The following TPD52 variants were observed in gnomAD, a reference collection of about 807,000 sequenced individuals.
TPD52 encodes prostate and colon associated protein.
Under a neutral mutation model 31.3 loss-of-function variants are expected in TPD52, and 17 were observed. The ratio of observed to expected loss-of-function variants is 0.54; its 90% confidence interval spans 0.37 to 0.82. TPD52 has a LOEUF of 0.82. Among genes scored for constraint, TPD52 ranks in the 40% least tolerant of loss-of-function variants. The pLI is 0.00. For missense variants in TPD52, 212 were observed against 240.1 expected (o/e 0.88, Z 0.77); for synonymous variants, 83 against 89.6 (o/e 0.93, Z 0.42).
At chr8:80,080,897 A>C (rs1404161786) in intron 1 of TPD52, 1 of 349,244 alleles carries the variant, frequency 2.9e-6, no homozygotes, top group Non-Finnish European at 4.0e-6. Context: ...GCTGACCATG[A>C]CTACACCAGG....
At position 80,036,470 on chromosome 8, in the gene TPD52, A is replaced by G. The variant is rs1809917734; in HGVS notation, c.*1646T>C. On this transcript the variant is annotated 3_prime_UTR_variant, in exon 8 of 8. Coordinates refer to ENST00000518937, the MANE Select transcript of TPD52 (RefSeq NM_001025253.3). ...AGAATATGTTAATATGATACCATTAAGCAATAATTTAAGGATGGTTAAAAA... is the reference window on the plus strand; with the variant it reads ...AGAATATGTTAATATGATACCATTAGGCAATAATTTAAGGATGGTTAAAAA... 1 of 152,580 alleles carries G rather than the reference A, an allele frequency of 6.6e-6. No homozygotes were observed. Among genetic ancestry groups the G allele is most frequent in the Non-Finnish European group, 1.5e-5 (1 of 68,034 alleles). The allele number at this position is 152,580 out of a possible 1,614,324, so 9.5% of individuals were successfully genotyped here.
At chr8:80,141,262 G>A (rs150477326) in intron 1 of TPD52, among the ~76,000 whole-genome samples, 1 of 152,094 alleles carries the variant, frequency 6.6e-6, no homozygotes, top group Non-Finnish European at 1.5e-5. Context: ...TCATTACCCA[G>A]TGGGTCATCT....
chr8:80,167,723 T>G (rs1435979110), intron 1 of TPD52, among the ~76,000 whole-genome samples: 5 of 152,268 alleles, frequency 3.3e-5, no homozygotes, highest in African/African-American at 7.2e-5. Flanking sequence ...AAAATGATAG[T>G]GACATATTAT....
chr8:80,053,425 T>C lies in TPD52; in HGVS notation c.141A>G (p.Glu47=). The C allele has an allele frequency of 6.2e-7, 1 of 1,613,100 alleles. No homozygotes were observed. Among genetic ancestry groups the C allele is most frequent in the South Asian group, 1.1e-5 (1 of 90,978 alleles). The change falls in exon 3 of 8, where the codon GAA becomes GAG. Residue 47 remains glutamate (E), a synonymous_variant. Coordinates refer to ENST00000518937, the MANE Select transcript of TPD52 (RefSeq NM_001025253.3). Reference sequence around the variant, plus strand: ...CTTGAGACAGAGTCTGGATTTCTTCTTCTACCTATGAGGAAGGGGTTTGGG... The same window carrying C: ...CTTGAGACAGAGTCTGGATTTCTTCCTCTACCTATGAGGAAGGGGTTTGGG... The part of the protein sequence containing the change: ...EELRRELAKV[E]EEIQTLSQVL...
intron 2 of TPD52, among the ~76,000 whole-genome samples, chr8:80,054,459 A>G (rs1214959304): frequency 6.6e-6 from 1 of 152,144 alleles, no homozygotes; most frequent in African/African-American, 2.4e-5. Context: ...ACCATGTGGA[A>G]GAGACTTTAG....
intron 4 of TPD52, 34 bp downstream of exon 4, chr8:80,051,493 G>C: frequency 6.3e-7 from 1 of 1,579,672 alleles, no homozygotes; most frequent in South Asian, 1.1e-5. Context: ...ATTTGCGTCA[G>C]CTACTTAATG....
chr8:80,076,980 A>T (rs1036725205), intron 1 of TPD52, among the ~76,000 whole-genome samples: 7 of 150,510 alleles, frequency 4.7e-5, no homozygotes, highest in Admixed American at 1.3e-4. Flanking sequence ...AGTTTTTTTT[A>T]AAAAAGAAAA....
At chr8:80,080,894 A>C in intron 1 of TPD52, 2 of 370,864 alleles carry the variant, frequency 5.4e-6, no homozygotes, top group Non-Finnish European at 7.5e-6. Flanking sequence ...TCAGCTGACC[A>C]TGACTACACC....
At chr8:80,169,198 G>A (rs1410715387) in intron 1 of TPD52, among the ~76,000 whole-genome samples, 1 of 151,936 alleles carries the variant, frequency 6.6e-6, no homozygotes, top group Non-Finnish European at 1.5e-5. Flanking sequence ...TTGGACAGGG[G>A]TCAAACTCCT....
At chr8:80,060,545 A>G (rs1812402069) in intron 2 of TPD52, among the ~76,000 whole-genome samples, 1 of 152,160 alleles carries the variant, frequency 6.6e-6, no homozygotes, top group Admixed American at 6.5e-5. Context: ...AAAGCCAGAG[A>G]ATGATATCAC....
intron 1 of TPD52, among the ~76,000 whole-genome samples, chr8:80,105,302 C>T (rs1215021244): frequency 6.6e-6 from 1 of 152,130 alleles, no homozygotes; most frequent in Non-Finnish European, 1.5e-5. Flanking sequence ...AGCCCAGCAC[C>T]ACACCCTGGG....
At chr8:80,096,486 G>GT (rs1410484536) in intron 1 of TPD52, among the ~76,000 whole-genome samples, 1 of 152,060 alleles carries the variant, frequency 6.6e-6, no homozygotes, top group Admixed American at 6.6e-5. Flanking sequence ...TTCACAGTAT[G>GT]TTTTTTACAA....
chr8:80,046,952 G>A lies in TPD52; in HGVS notation c.414-2744C>T, dbSNP rs116086469. On this transcript the variant is annotated intron_variant, in intron 5 of 7. Coordinates refer to ENST00000518937, the MANE Select transcript of TPD52 (RefSeq NM_001025253.3). ...GGATAAGGAAGGAAGTAGCAGCAGC[G>A]GGAGGAGGAGAAGGGAAAGTTAATG... 1.7e-3 allele frequency among the ~76,000 whole-genome samples: 265 copies of A among 152,278 alleles called. 4 individuals are homozygous for A. The highest frequency in any genetic ancestry group is 6.0e-3 in the African/African-American group (249 of 41,542).
At chr8:80,051,738 G>T in intron 3 of TPD52, 110 bp from the exon 4 acceptor site, 1 of 856,528 alleles carries the variant, frequency 1.2e-6, no homozygotes. Context: ...CTCAAAAAGA[G>T]AAAACATTTT....
intron 7 of TPD52, among the ~76,000 whole-genome samples, chr8:80,041,366 G>T (rs1362144484): frequency 6.6e-6 from 1 of 152,182 alleles, no homozygotes; most frequent in Non-Finnish European, 1.5e-5. Context: ...TGCTTTTAAA[G>T]ATGCATTTCG....
chr8:80,106,397 A>T (rs4740106), intron 1 of TPD52, among the ~76,000 whole-genome samples: 1 of 151,902 alleles, frequency 6.6e-6, no homozygotes, highest in African/African-American at 2.4e-5. Context: ...TTGCTCTGTC[A>T]CCAGGCTGGA....
chr8:80,165,622 C>G (rs1811662640), intron 1 of TPD52, among the ~76,000 whole-genome samples: 1 of 152,170 alleles, frequency 6.6e-6, no homozygotes. Flanking sequence ...ATTCTTATCA[C>G]AGGAAGTCCA....
intron 6 of TPD52, 58 bp downstream of exon 6, chr8:80,044,109 T>C: frequency 1.4e-6 from 2 of 1,433,872 alleles, no homozygotes; most frequent in East Asian, 2.4e-5. Flanking sequence ...AAGTTAAACA[T>C]CTAAATAAAG....
chr8:80,136,179 T>TAA (rs796723826), intron 1 of TPD52, among the ~76,000 whole-genome samples: 1 of 121,546 alleles, frequency 8.2e-6, no homozygotes, highest in East Asian at 3.2e-4. Flanking sequence ...GTCTTTGAGG[T>TAA]TAAAAAAAAA....
Sources: gnomAD v4.1 joint callset for allele counts (sites outside exome capture counted in the v4.1 genomes callset) on GRCh38, gnomAD v4.1.1 for gene constraint, MANE v1.5 for transcripts, NCBI Gene and HGNC (gene_info 2026-07-23, HGNC 2026-07-21) for gene names.